PMFBP1: variants seen among roughly 807,000 people sequenced by gnomAD.
PMFBP1 encodes polyamine modulated factor 1 binding protein 1.
A neutral mutation model predicts 137.8 loss-of-function variants in PMFBP1; 131 were observed. The ratio of observed to expected loss-of-function variants is 0.95; its 90% CI spans 0.82 to 1.10. The LOEUF (loss-of-function observed/expected upper bound fraction) is 1.10, where lower values mean the gene tolerates loss of function less well. PMFBP1 is among the 50% of genes least tolerant of loss of function. The probability of loss-of-function intolerance (pLI) is 0.00; values close to 1 mark genes in which losing one functional copy is unlikely to be tolerated. For synonymous variants in PMFBP1, 490 were observed against 450.4 expected, an observed-to-expected ratio of 1.09 and a Z score of -1.11; for missense variants, 1,199 against 1,175.4, an observed-to-expected ratio of 1.02 and a Z score of -0.29.
rs774457104 is a variant in PMFBP1, at chr16:72,128,436, C to T, written c.2088+221G>A. On this transcript the variant is annotated intron_variant, in intron 14 of 20. Coordinates refer to ENST00000237353, the MANE Select transcript of PMFBP1 (RefSeq NM_031293.3). ...CCAAAGCCCAAATAGCTTGGGGCTC[C>T]ACCAGATATGAGATGAGACCTTCCA... is the stretch of plus-strand genomic sequence containing the variant. The T allele has an allele frequency of 2.1e-5, 31 of 1,499,836 alleles. 1 individual carries two copies. The highest frequency in any genetic ancestry group is 2.4e-5 in the Non-Finnish European group (27 of 1,127,986). The allele number at this position is 1,499,836 out of a possible 1,614,324, so 92.9% of individuals were successfully genotyped here.
At chr16:72,168,743 C>G (rs2043181141) in intron 2 of PMFBP1, among the ~76,000 whole-genome samples, 1 of 152,184 alleles carries the variant, frequency 6.6e-6, no homozygotes. Flanking sequence ...GGTCACTCTG[C>G]TTTGAAACAT....
At chr16:72,119,532 C>G in intron 20 of PMFBP1, 178 bp from the exon 21 acceptor site, 2 of 1,476,236 alleles carry the variant, frequency 1.4e-6, no homozygotes, top group Non-Finnish European at 1.8e-6. Context: ...GGGTAGGTGG[C>G]TGGGGTGCTC....
the PMFBP1 span, among the ~76,000 whole-genome samples, chr16:72,196,711 T>A: frequency 1.3e-5 from 2 of 152,208 alleles, no homozygotes; most frequent in East Asian, 1.9e-4. Flanking sequence ...CATCCGTGCC[T>A]CCACTGGGGA....
rs1392642508 is a variant in PMFBP1, at chr16:72,150,469, G to C, written c.636+139C>G. On this transcript the variant is annotated intron_variant, in intron 5 of 20. Coordinates refer to ENST00000237353, the MANE Select transcript of PMFBP1 (RefSeq NM_031293.3). ...TGTGAAAGCTGGAGGTTCAAAAGCTGAGGGCTACAAAATCAAGGGCAGGAA... is the reference window on the plus strand; with the variant it reads ...TGTGAAAGCTGGAGGTTCAAAAGCTCAGGGCTACAAAATCAAGGGCAGGAA... 5.1e-6 allele frequency: 4 copies of C among 784,140 alleles called. No individual in the cohort carries two copies. In the Admixed American group the frequency reaches 8.6e-5, roughly 17 times the overall value. 48.6% of individuals were successfully genotyped at this position (784,140 alleles called of 1,614,324 possible). A position where few individuals can be genotyped will look rare whatever the true frequency, so the allele number is the denominator to read the frequency against.
chr16:72,129,816 A>T (rs1420723154), intron 12 of PMFBP1, among the ~76,000 whole-genome samples: 2 of 152,060 alleles, frequency 1.3e-5, no homozygotes, highest in Non-Finnish European at 2.9e-5. Flanking sequence ...ATTGGTGGTG[A>T]TATCTTTCCC....
chr16:72,220,898 C>T, the PMFBP1 span, among the ~76,000 whole-genome samples: 1 of 152,262 alleles, frequency 6.6e-6, no homozygotes, highest in East Asian at 1.9e-4. Flanking sequence ...GGTCGATCAA[C>T]CTAGCAAAAG....
chr16:72,118,767 G>T (rs573460976), downstream of PMFBP1, among the ~76,000 whole-genome samples: 1 of 151,948 alleles, frequency 6.6e-6, no homozygotes, highest in African/African-American at 2.4e-5. Context: ...GGTGGGCGGG[G>T]GGGCAGGTGG....
rs188884576 is a variant in PMFBP1 at position 72,126,946 on chromosome 16, T to C, written c.2089-814A>G. Among the ~76,000 whole-genome samples, 516 of 152,362 alleles carry C rather than the reference T, an allele frequency of 3.4e-3. 5 individuals are homozygous for C. The highest frequency in any genetic ancestry group is 2.2e-3 in the Non-Finnish European group (149 of 68,036). The stretch of plus-strand genomic sequence containing the variant: ...TTTATGATGATCAAATGAGGTGATA[T>C]GTGTAAAAAGGGCTTTGTTTTACTA... On this transcript the variant is annotated intron_variant, in intron 14 of 20. Coordinates refer to ENST00000237353, the MANE Select transcript of PMFBP1 (RefSeq NM_031293.3).
At chr16:72,223,632 A>G in the PMFBP1 span, among the ~76,000 whole-genome samples, 2 of 152,226 alleles carry the variant, frequency 1.3e-5, no homozygotes, top group Admixed American at 1.3e-4. Context: ...GTAGCAGGTC[A>G]CCTGCCCAAA....
At chr16:72,174,886 C>G (rs1450809886), upstream of PMFBP1, among the ~76,000 whole-genome samples, 1 of 152,188 alleles carries the variant, frequency 6.6e-6, no homozygotes, top group East Asian at 1.9e-4. Flanking sequence ...ATGACACAGC[C>G]AAACCATATC....
At chr16:72,185,674 A>T in the PMFBP1 span, among the ~76,000 whole-genome samples, 1 of 152,192 alleles carries the variant, frequency 6.6e-6, no homozygotes, top group Non-Finnish European at 1.5e-5. Context: ...CAAACTCCAT[A>T]GATCAAGGGA....
At chr16:72,196,269 TC>T in the PMFBP1 span, among the ~76,000 whole-genome samples, 3 of 152,090 alleles carry the variant, frequency 2.0e-5, no homozygotes, top group Non-Finnish European at 2.9e-5. Context: ...TAGGATTCCT[TC>T]AAAGAGTTGG....
the PMFBP1 span, among the ~76,000 whole-genome samples, chr16:72,201,556 C>T: frequency 1.3e-5 from 2 of 152,202 alleles, no homozygotes; most frequent in Non-Finnish European, 2.9e-5. Context: ...TCCCAGGTTA[C>T]AGAAGGGCCT....
the PMFBP1 span, among the ~76,000 whole-genome samples, chr16:72,221,993 C>A: frequency 6.6e-6 from 1 of 152,160 alleles, no homozygotes; most frequent in African/African-American, 2.4e-5. Context: ...ATATGTGTCA[C>A]TTCATTTAAT....
chr16:72,231,572 T>C, the PMFBP1 span, among the ~76,000 whole-genome samples: 1 of 152,182 alleles, frequency 6.6e-6, no homozygotes, highest in East Asian at 1.9e-4. Context: ...GATTAGTGAT[T>C]CTCAAACTGT....
chr16:72,133,181 T>A (rs2042574790), intron 9 of PMFBP1, among the ~76,000 whole-genome samples, 190 bp from the exon 10 acceptor site: 1 of 151,900 alleles, frequency 6.6e-6, no homozygotes, highest in South Asian at 2.1e-4. Flanking sequence ...TCTTTATAAT[T>A]ATTATTATTG....
the PMFBP1 span, among the ~76,000 whole-genome samples, chr16:72,197,076 T>C: frequency 6.6e-6 from 1 of 152,074 alleles, no homozygotes; most frequent in African/African-American, 2.4e-5. Flanking sequence ...CACTGCCCCT[T>C]TGTACAAAGT....
At chr16:72,243,750 G>A in the PMFBP1 span, among the ~76,000 whole-genome samples, 4,596 of 152,184 alleles carry the variant, frequency 0.03, 236 homozygotes, top group African/African-American at 0.1. Flanking sequence ...ACTCTGAGTA[G>A]GGAGAAAGAG....
intron 18 of PMFBP1, 97 bp from the exon 19 acceptor site, chr16:72,123,085 CTGCTG>C: frequency 5.4e-6 from 6 of 1,106,810 alleles, no homozygotes; most frequent in Non-Finnish European, 8.0e-6. Context: ...CTCAGCAAGA[CTGCTG>C]CTGCATCCCA....
Sources: gnomAD v4.1 joint callset for allele counts (sites outside exome capture counted in the v4.1 genomes callset) on GRCh38, gnomAD v4.1.1 for gene constraint, MANE v1.5 for transcripts, NCBI Gene and HGNC (gene_info 2026-07-23, HGNC 2026-07-21) for gene names.